Variants in ASTN2 observed in about 807,000 individuals in gnomAD.
ASTN2 encodes astrotactin 2.
Under a neutral mutation model 139.8 loss-of-function variants are expected in ASTN2, and 54 were observed. The ratio of observed to expected loss-of-function variants is 0.39; its 90% CI spans 0.31 to 0.48. The LOEUF is 0.48. ASTN2 is among the 20% of genes least tolerant of loss of function. The pLI, the probability that ASTN2 is intolerant of heterozygous loss-of-function variation, is 0.95. For missense variants in ASTN2, 1,565 were observed against 1,725.1 expected (o/e 0.91, Z 1.64); for synonymous variants, 756 against 719.5 (o/e 1.05, Z -0.81).
intron 10 of ASTN2, among the ~76,000 whole-genome samples, chr9:116,907,478 C>T (rs1013958351): frequency 3.9e-5 from 6 of 152,188 alleles, no homozygotes; most frequent in South Asian, 2.1e-4. Flanking sequence ...ACCTCTGTTT[C>T]GGAGTGTGCT....
At chr9:116,566,306 A>G (rs572008751) in intron 19 of ASTN2, among the ~76,000 whole-genome samples, 4 of 151,848 alleles carry the variant, frequency 2.6e-5, no homozygotes, top group Non-Finnish European at 4.4e-5. Context: ...TGGAATTCCC[A>G]TTTCACCCAA....
intron 1 of ASTN2, among the ~76,000 whole-genome samples, chr9:117,335,009 C>T (rs2130855463): frequency 6.6e-6 from 1 of 152,262 alleles, no homozygotes; most frequent in African/African-American, 2.4e-5. Context: ...GAGCATAGAT[C>T]ATGCTACTGC....
At chr9:116,437,203 T>TA (rs776644145) in intron 22 of ASTN2, 117 of 388,160 alleles carry the variant, frequency 3.0e-4, no homozygotes, top group Admixed American at 9.7e-4. Context: ...ATAATAATAA[T>TA]AATAAAAAAT....
chr9:117,385,980 G>A (rs1479330742), intron 1 of ASTN2, among the ~76,000 whole-genome samples: 4 of 152,128 alleles, frequency 2.6e-5, no homozygotes, highest in Non-Finnish European at 5.9e-5. Context: ...GATAATAGAT[G>A]AAGGGGATAT....
intron 3 of ASTN2, among the ~76,000 whole-genome samples, chr9:117,197,587 G>C (rs1041183158): frequency 6.6e-6 from 1 of 152,156 alleles, no homozygotes; most frequent in African/African-American, 2.4e-5. Context: ...AAGTGTGTGT[G>C]TGTATACACA....
intron 19 of ASTN2, among the ~76,000 whole-genome samples, chr9:116,549,029 C>T (rs2119392782): frequency 6.6e-6 from 1 of 152,162 alleles, no homozygotes; most frequent in African/African-American, 2.4e-5. Flanking sequence ...GGGTTTTGGT[C>T]TTTAAAGTAT....
intron 2 of ASTN2, among the ~76,000 whole-genome samples, chr9:117,290,549 G>A (rs1325634210): frequency 3.3e-5 from 5 of 152,124 alleles, no homozygotes; most frequent in Admixed American, 2.6e-4. Flanking sequence ...GAGGTGATTC[G>A]CTGGACCTCA....
chr9:117,149,518 C>T (rs947079703), intron 3 of ASTN2, among the ~76,000 whole-genome samples: 3 of 152,132 alleles, frequency 2.0e-5, no homozygotes, highest in South Asian at 2.1e-4. Context: ...TTTGTGTCCT[C>T]GGGCTTTGGA....
intron 4 of ASTN2, among the ~76,000 whole-genome samples, chr9:117,118,133 T>C (rs759712739): frequency 3.9e-5 from 6 of 152,214 alleles, no homozygotes; most frequent in Non-Finnish European, 8.8e-5. Flanking sequence ...AGTGTTGTCA[T>C]GCGGGTTTAA....
At chr9:116,629,408 C>T (rs998196716) in intron 17 of ASTN2, among the ~76,000 whole-genome samples, 8 of 152,058 alleles carry the variant, frequency 5.3e-5, no homozygotes, top group South Asian at 4.1e-4. Flanking sequence ...TGAGCCACCG[C>T]GCCCGGCCTG....
intron 2 of ASTN2, among the ~76,000 whole-genome samples, chr9:117,274,117 A>G (rs112206073): frequency 0.064 from 9,722 of 152,154 alleles, 405 homozygotes; most frequent in South Asian, 0.13. Context: ...TTGGGAGGCC[A>G]AGGCAGATGG....
intron 3 of ASTN2, among the ~76,000 whole-genome samples, 151 bp from the exon 4 acceptor site, chr9:117,141,629 T>C (rs1490048480): frequency 6.6e-6 from 1 of 152,052 alleles, no homozygotes; most frequent in African/African-American, 2.4e-5. Flanking sequence ...CCCTGACCCA[T>C]TGAAGATATA....
chr9:117,040,037 G>A, intron 5 of ASTN2, 72 bp from the exon 6 acceptor site: 1 of 1,430,764 alleles, frequency 7.0e-7, no homozygotes, highest in Admixed American at 2.4e-5. Context: ...TCAAGTTTGG[G>A]AATTCTATTA....
intron 11 of ASTN2, among the ~76,000 whole-genome samples, chr9:116,850,397 C>G (rs1832567329): frequency 6.6e-6 from 1 of 152,176 alleles, no homozygotes; most frequent in Non-Finnish European, 1.5e-5. Flanking sequence ...ACTAGAACAG[C>G]AGGAATCTGT....
chr9:116,912,049 C>T (rs1030508282), intron 10 of ASTN2, among the ~76,000 whole-genome samples: 1 of 152,218 alleles, frequency 6.6e-6, no homozygotes, highest in African/African-American at 2.4e-5. Flanking sequence ...GGAAGCTTTG[C>T]TTCTCTGTGA....
intron 16 of ASTN2, among the ~76,000 whole-genome samples, chr9:116,723,306 C>T (rs1266409326): frequency 6.6e-6 from 1 of 152,152 alleles, no homozygotes; most frequent in Non-Finnish European, 1.5e-5. Flanking sequence ...ATTTTACCTA[C>T]ATCATCTCAT....
At chr9:116,883,051 A>G in intron 10 of ASTN2, among the ~76,000 whole-genome samples, 1 of 152,230 alleles carries the variant, frequency 6.6e-6, no homozygotes, top group Middle Eastern at 3.2e-3. Context: ...TTCTAGAGGA[A>G]AAATGAGCAA....
intron 4 of ASTN2, among the ~76,000 whole-genome samples, chr9:117,137,445 CAG>C (rs1447522819): frequency 2.0e-5 from 3 of 152,162 alleles, no homozygotes; most frequent in African/African-American, 7.2e-5. Flanking sequence ...CAGTGAAAGA[CAG>C]AGGATTCAGA....
intron 19 of ASTN2, among the ~76,000 whole-genome samples, chr9:116,596,684 A>C (rs1854594369): frequency 6.6e-6 from 1 of 152,186 alleles, no homozygotes; most frequent in Non-Finnish European, 1.5e-5. Context: ...AAATGAGATA[A>C]TTTCAACAAA....
Sources: gnomAD v4.1 joint callset for allele counts (sites outside exome capture counted in the v4.1 genomes callset) on GRCh38, gnomAD v4.1.1 for gene constraint, MANE v1.5 for transcripts, NCBI Gene and HGNC (gene_info 2026-07-23, HGNC 2026-07-21) for gene names.